KCNN3: variants seen among roughly 807,000 people sequenced by gnomAD.
KCNN3 encodes the protein potassium calcium-activated channel subfamily N member 3.
Under a neutral mutation model 62.9 loss-of-function variants are expected in KCNN3, and 16 were observed. That is an observed-to-expected ratio of 0.25 (90% CI 0.17 to 0.39). KCNN3 has a LOEUF of 0.39. Ranked by LOEUF, KCNN3 falls within the 10% of genes least tolerant of loss-of-function variation. The probability of loss-of-function intolerance (pLI) is 1.00; values close to 1 mark genes in which losing one functional copy is unlikely to be tolerated. For synonymous variants in KCNN3, 370 were observed against 389.2 expected (o/e 0.95, Z 0.58); for missense variants, 599 against 949.4 (o/e 0.63, Z 4.85).
intron 2 of KCNN3, among the ~76,000 whole-genome samples, chr1:154,795,916 G>A (rs1649714432): frequency 6.6e-6 from 1 of 152,346 alleles, no homozygotes. Flanking sequence ...CAATTCTGGA[G>A]GGCTCTATCT....
chr1:154,719,120 C>A (rs557659433), intron 5 of KCNN3, among the ~76,000 whole-genome samples: 1 of 152,116 alleles, frequency 6.6e-6, no homozygotes, highest in Admixed American at 6.5e-5. Context: ...AAAGGAGCAC[C>A]TTTCTTGGGC....
At chr1:154,714,387 GGTGT>G (rs1323631245) in intron 6 of KCNN3, among the ~76,000 whole-genome samples, 1 of 134,254 alleles carries the variant, frequency 7.4e-6, no homozygotes, top group African/African-American at 2.8e-5. Flanking sequence ...GTGTGTGTGG[GGTGT>G]GTGTGTGTGG....
intron 1 of KCNN3, among the ~76,000 whole-genome samples, chr1:154,833,220 C>T (rs1191790428): frequency 6.6e-6 from 1 of 152,156 alleles, no homozygotes; most frequent in East Asian, 1.9e-4. Flanking sequence ...AGAGGCAAAC[C>T]CATTTCCATC....
intron 2 of KCNN3, among the ~76,000 whole-genome samples, chr1:154,811,990 T>C (rs7513480): frequency 0.41 from 61,870 of 152,092 alleles, 14,917 homozygotes; most frequent in African/African-American, 0.68. Flanking sequence ...CTGAGCTTAA[T>C]TGAGTGCCAT....
chr1:154,732,369 C>A (rs1285802564), intron 4 of KCNN3, among the ~76,000 whole-genome samples: 1 of 152,240 alleles, frequency 6.6e-6, no homozygotes, highest in Non-Finnish European at 1.5e-5. Flanking sequence ...ACCTGCTGGG[C>A]ACCTGGAGAT....
intron 3 of KCNN3, among the ~76,000 whole-genome samples, chr1:154,734,423 C>T (rs1381889408): frequency 2.0e-5 from 3 of 152,194 alleles, no homozygotes; most frequent in Non-Finnish European, 4.4e-5. Context: ...AGTCAGTTAC[C>T]ATTGGGGCTT....
intron 3 of KCNN3, among the ~76,000 whole-genome samples, chr1:154,754,700 G>A (rs1647549783): frequency 6.6e-6 from 1 of 152,234 alleles, no homozygotes; most frequent in African/African-American, 2.4e-5. Context: ...CAACAAGGGA[G>A]AAGGAGCCTG....
chr1:154,798,908 C>T (rs570869480), intron 2 of KCNN3, among the ~76,000 whole-genome samples: 1 of 133,742 alleles, frequency 7.5e-6, no homozygotes, highest in South Asian at 2.4e-4. Context: ...AACACTGACA[C>T]TTATTGCATT....
chr1:154,738,238 T>C (rs967473724), intron 3 of KCNN3, among the ~76,000 whole-genome samples: 1 of 151,952 alleles, frequency 6.6e-6, no homozygotes, highest in Non-Finnish European at 1.5e-5. Context: ...GGGGAGGGTA[T>C]AAAAGAGGCC....
chr1:154,815,386 G>T (rs1650620198), intron 2 of KCNN3, among the ~76,000 whole-genome samples: 1 of 152,028 alleles, frequency 6.6e-6, no homozygotes, highest in African/African-American at 2.4e-5. Context: ...CAAGGTCTCT[G>T]CTCCTGGCGA....
chr1:154,751,522 C>T (rs1647379424), intron 3 of KCNN3, among the ~76,000 whole-genome samples: 1 of 152,222 alleles, frequency 6.6e-6, no homozygotes, highest in South Asian at 2.1e-4. Flanking sequence ...TTACACAGAA[C>T]TTCTGATGGC....
intron 2 of KCNN3, among the ~76,000 whole-genome samples, chr1:154,775,470 C>A (rs1648748231): frequency 6.6e-6 from 1 of 152,140 alleles, no homozygotes; most frequent in Non-Finnish European, 1.5e-5. Context: ...GCAGAGGAGA[C>A]AATGGATTGA....
At position 154,795,167 on chromosome 1, in the gene KCNN3, G is replaced by A. The variant is rs545766948; in HGVS notation, c.1030-22774C>T. 8.5e-5 allele frequency among the ~76,000 whole-genome samples: 13 copies of A among 152,284 alleles called. No homozygotes were observed. The South Asian group carries it at 2.5e-3, about 29-fold the overall frequency. On this transcript the variant is annotated intron_variant, in intron 2 of 7. Transcript: ENST00000271915. ...GGAAAGCAGAGGGACCACCATGCCC[G>A]TCGCCCAGCCCCTGTGGTCTGTGAC...
At position 154,698,572 on chromosome 1, in the gene KCNN3, C is replaced by T. The variant is rs1699788944; in HGVS notation, c.*9404G>A. 6.6e-6 allele frequency: 1 copy of T among 152,274 alleles called. No homozygotes were observed. 9.4% of individuals were successfully genotyped at this position (152,274 alleles called of 1,614,324 possible). A position where few individuals can be genotyped will look rare whatever the true frequency, so the allele number is the denominator to read the frequency against. ...AAACCTGGCGACTCTTCCTGGAGCT[C>T]TAGGGACTTCTAACCAGAGCAAGTT... On this transcript the variant is annotated 3_prime_UTR_variant, in exon 8 of 8. Coordinates refer to ENST00000271915, the MANE Select transcript of KCNN3 (RefSeq NM_002249.6).
Position 154,705,774 on chromosome 1 carries a change from G to A in KCNN3, c.*2202C>T, listed in dbSNP as rs1506984. The A allele has an allele frequency of 1, 152,145 of 152,404 alleles. 75,944 individuals carry two copies. Among genetic ancestry groups the A allele is most frequent in the Non-Finnish European group, 1 (68,074 of 68,074 alleles). 9.4% of individuals were successfully genotyped at this position (152,404 alleles called of 1,614,324 possible). A position where few individuals can be genotyped will look rare whatever the true frequency, so the allele number is the denominator to read the frequency against. On this transcript the variant is annotated 3_prime_UTR_variant, in exon 8 of 8. Coordinates refer to ENST00000271915, the MANE Select transcript of KCNN3 (RefSeq NM_002249.6). ...GGGTTATAGCAGAATGAAAACGGTG[G>A]GTAGGAATCACCAGTTGAAGGCTGT... is the stretch of plus-strand genomic sequence containing the variant.
intron 3 of KCNN3, among the ~76,000 whole-genome samples, chr1:154,757,664 G>A (rs919608803): frequency 2.0e-5 from 3 of 152,184 alleles, no homozygotes; most frequent in Non-Finnish European, 4.4e-5. Context: ...GGAAATGGGA[G>A]GATGCCTAAC....
At chr1:154,842,635 C>CAT in intron 1 of KCNN3, among the ~76,000 whole-genome samples, 1 of 110,768 alleles carries the variant, frequency 9.0e-6, no homozygotes, top group South Asian at 3.6e-4. Context: ...AGGGACCCCC[C>CAT]CCCCGCCACC....
intron 3 of KCNN3, among the ~76,000 whole-genome samples, chr1:154,761,988 AAAAC>A (rs1557962786): frequency 6.7e-6 from 1 of 149,242 alleles, no homozygotes; most frequent in Non-Finnish European, 1.5e-5. Context: ...AACAAAAACG[AAAAC>A]AAACACGTTG....
At chr1:154,817,902 C>T (rs1650732372) in intron 2 of KCNN3, among the ~76,000 whole-genome samples, 1 of 152,222 alleles carries the variant, frequency 6.6e-6, no homozygotes, top group South Asian at 2.1e-4. Flanking sequence ...GGAGAGGATA[C>T]TGGGGAGCAA....
Sources: gnomAD v4.1 joint callset for allele counts (sites outside exome capture counted in the v4.1 genomes callset) on GRCh38, gnomAD v4.1.1 for gene constraint, MANE v1.5 for transcripts, NCBI Gene and HGNC (gene_info 2026-07-23, HGNC 2026-07-21) for gene names.